The following NIPAL3 variants were observed in gnomAD, a reference collection of about 807,000 sequenced individuals.
The protein encoded by NIPAL3 is NIPA-like protein 3.
A neutral mutation model predicts 47.2 loss-of-function variants in NIPAL3; 41 were observed. The ratio of observed to expected loss-of-function variants is 0.87; its 90% CI spans 0.68 to 1.13. NIPAL3 has a LOEUF of 1.13. Ranked by LOEUF, NIPAL3 falls within the 50% of genes most tolerant of loss-of-function variation. The pLI, the probability that NIPAL3 is intolerant of heterozygous loss-of-function variation, is 0.00. For missense variants in NIPAL3, 449 were observed against 530.1 expected (o/e 0.85, Z 1.50); for synonymous variants, 194 against 209.6 (o/e 0.93, Z 0.64).
At chr1:24,453,338 C>T (rs1299166785) in intron 6 of NIPAL3, 70 bp from the exon 7 acceptor site, 3 of 1,066,492 alleles carry the variant, frequency 2.8e-6, no homozygotes, top group Non-Finnish European at 4.3e-6. Flanking sequence ...ATGGCCCAGC[C>T]CACCAGGGTC....
Position 24,445,218 on chromosome 1 carries a change from A to C in NIPAL3, c.368A>C (p.Glu123Ala), listed in dbSNP as rs781282034. The C allele has an allele frequency of 9.9e-6, 16 of 1,612,066 alleles. No individual in the cohort carries two copies. The highest frequency in any genetic ancestry group is 1.4e-5 in the Non-Finnish European group (16 of 1,178,174). ...SAIIGIIFIK[E>A]KWKPKDFLRR... The stretch of plus-strand genomic sequence containing the variant: ...ATCATAGGAATCATATTCATCAAGG[A>C]AAAGTGGAAACCGAAAGACTTTCTG... Residue 123 changes from glutamate (E) to alanine (A), a missense_variant, in exon 5 of 12, where the codon GAA becomes GCA. Coordinates refer to ENST00000374399, the MANE Select transcript of NIPAL3 (RefSeq NM_020448.5).
rs1645549281 is a variant in NIPAL3, at chr1:24,444,380, A to G, written c.335-805A>G. ...TGGAGAAAGGGGATGGAAAAGTGGA[A>G]AGGAGAAAAGGAAGACCTGATTTGT... On this transcript the variant is annotated intron_variant, in intron 4 of 11. Coordinates refer to ENST00000374399, the MANE Select transcript of NIPAL3 (RefSeq NM_020448.5). 2.6e-5 allele frequency among the ~76,000 whole-genome samples: 4 copies of G among 152,184 alleles called. No individual in the cohort carries two copies. The South Asian group carries it at 8.3e-4, about 31-fold the overall frequency.
Position 24,454,426 on chromosome 1 carries a change from A to G in NIPAL3, c.637+922A>G. The G allele has an allele frequency of 9.8e-7, 1 of 1,024,860 alleles. No homozygotes were observed. The highest frequency in any genetic ancestry group is 1.2e-6 in the Non-Finnish European group (1 of 853,662). The allele number at this position is 1,024,860 out of a possible 1,614,324, so 63.5% of individuals were successfully genotyped here. Reference sequence around the variant, plus strand: ...CACGGAAGGGAGTGGGGGTTAAATGAGATGTGCACAGGTGGCTAATATGTG... The same window carrying G: ...CACGGAAGGGAGTGGGGGTTAAATGGGATGTGCACAGGTGGCTAATATGTG... On this transcript the variant is annotated intron_variant, in intron 7 of 11. Coordinates refer to ENST00000374399, the MANE Select transcript of NIPAL3 (RefSeq NM_020448.5). The surrounding 1 kb of genome is among the most constrained non-coding windows in gnomAD (Gnocchi z 4.1).
Position 24,463,299 on chromosome 1 carries a change from G to T in NIPAL3, c.927-727G>T, listed in dbSNP as rs529324405. Among the ~76,000 whole-genome samples the T allele has an allele frequency of 9.0e-4, 137 of 152,330 alleles. 4 individuals are homozygous for T. In the South Asian group the frequency reaches 0.027, roughly 30 times the overall value. On this transcript the variant is annotated intron_variant, in intron 10 of 11. Coordinates refer to ENST00000374399, the MANE Select transcript of NIPAL3 (RefSeq NM_020448.5). ...TATGATTTAACTTACATGAATTAAA[G>T]AACAGACTAATTTCATCCATGGTGA...
rs1557480433 is a variant in NIPAL3, at chr1:24,419,654, T to TG, written c.93+18dup. 1.2e-6 allele frequency: 2 copies of TG among 1,610,994 alleles called. No homozygotes were observed. The highest frequency in any genetic ancestry group is 2.2e-5 in the South Asian group (2 of 90,648). On this transcript the variant is annotated intron_variant, in intron 2 of 11. Coordinates refer to ENST00000374399, the MANE Select transcript of NIPAL3 (RefSeq NM_020448.5). ...TTCTCCTACAAGGCAAGGGCTTTTT[T>TG]GGGGTTTGGGAATTTGTATTTTCCT...
chr1:24,444,350 AG>A lies in NIPAL3; in HGVS notation c.335-832del, dbSNP rs545974727. Among the ~76,000 whole-genome samples, 511 of 152,204 alleles carry A rather than the reference AG, an allele frequency of 3.4e-3. 2 individuals are homozygous for A. Among genetic ancestry groups the A allele is most frequent in the Non-Finnish European group, 5.6e-3 (381 of 68,018 alleles). On this transcript the variant is annotated intron_variant, in intron 4 of 11. Transcript: ENST00000374399. ...GGAGAAGAAAAAGAAGAGGAGATGG[AG>A]GGATGGAGAAAGGGGATGGAAAAGT... is the stretch of plus-strand genomic sequence containing the variant.
At chr1:24,456,021 G>C (rs1025815160) in intron 7 of NIPAL3, 117 bp from the exon 8 acceptor site, 7 of 1,265,582 alleles carry the variant, frequency 5.5e-6, no homozygotes, top group Non-Finnish European at 7.9e-6. Context: ...GCTTGACTCT[G>C]TTCCTGTTCC....
intron 1 of NIPAL3, among the ~76,000 whole-genome samples, chr1:24,417,935 T>A (rs1644135198): frequency 6.6e-6 from 1 of 152,214 alleles, no homozygotes; most frequent in Non-Finnish European, 1.5e-5. Context: ...GTTGGATGAA[T>A]GCATGAGAGA....
chr1:24,453,359 G>A lies in NIPAL3; in HGVS notation c.541-49G>A, dbSNP rs552364152. ...CAGCCCACCAGGGTCTCCCGGTCTC[G>A]CCTACTTCTGTGGTCCCCACTGACC... is the stretch of plus-strand genomic sequence containing the variant. On this transcript the variant is annotated intron_variant, in intron 6 of 11. Transcript: ENST00000374399. 120 of 1,395,466 alleles carry A rather than the reference G, an allele frequency of 8.6e-5. No individual in the cohort carries two copies. The South Asian group carries it at 9.2e-4, about 11-fold the overall frequency. The allele number at this position is 1,395,466 out of a possible 1,614,324, so 86.4% of individuals were successfully genotyped here. A position where few individuals can be genotyped will look rare whatever the true frequency, so the allele number is the denominator to read the frequency against.
Position 24,416,166 on chromosome 1 carries a change from C to A in NIPAL3, c.-258+262C>A. On this transcript the variant is annotated intron_variant, in intron 1 of 11. Coordinates refer to ENST00000374399, the MANE Select transcript of NIPAL3 (RefSeq NM_020448.5). The surrounding 1 kb of genome is among the most constrained non-coding windows in gnomAD (Gnocchi z 4.8). ...GGAAGTGACATGGAGTTAACTTTGC[C>A]AGAATTTCTCCTCTTCGTGCCGAGC... 1.0e-6 allele frequency: 1 copy of A among 985,582 alleles called. No homozygotes were observed. 61.1% of individuals were successfully genotyped at this position (985,582 alleles called of 1,614,324 possible).
rs1057473784 is a variant in NIPAL3, at chr1:24,448,162, G to T, written c.395-1319G>T. On this transcript the variant is annotated intron_variant, in intron 5 of 11. Coordinates refer to ENST00000374399, the MANE Select transcript of NIPAL3 (RefSeq NM_020448.5). ...ATAAAGATAAAAGACATTTAACATGGTATCACATTTTCTCTAGACAGTGGG... is the reference window on the plus strand; with the variant it reads ...ATAAAGATAAAAGACATTTAACATGTTATCACATTTTCTCTAGACAGTGGG... Among the ~76,000 whole-genome samples the T allele has an allele frequency of 5.9e-5, 9 of 152,332 alleles. No homozygotes were observed. In the South Asian group the frequency reaches 6.2e-4, roughly 11 times the overall value.
intron 5 of NIPAL3, among the ~76,000 whole-genome samples, chr1:24,446,089 T>C (rs1046907811): frequency 3.9e-5 from 5 of 128,354 alleles, no homozygotes; most frequent in African/African-American, 9.9e-5. Flanking sequence ...TGTGTGTGTG[T>C]GTGTGTGTGT....
intron 10 of NIPAL3, among the ~76,000 whole-genome samples, chr1:24,462,265 T>C (rs1427873367): frequency 1.3e-5 from 2 of 152,120 alleles, no homozygotes; most frequent in African/African-American, 4.8e-5. Context: ...CACATGGGGA[T>C]TGTGGGAACT....
At chr1:24,424,762 C>A (rs990751316) in intron 2 of NIPAL3, among the ~76,000 whole-genome samples, 36 of 152,260 alleles carry the variant, frequency 2.4e-4, no homozygotes, top group South Asian at 8.3e-4. Context: ...CTGGTCCAGT[C>A]GGTGATGGCC....
At chr1:24,467,997 G>A (rs568494946) in intron 11 of NIPAL3, among the ~76,000 whole-genome samples, 120 of 152,138 alleles carry the variant, frequency 7.9e-4, no homozygotes, top group African/African-American at 2.7e-3. Context: ...TAATTCCCTG[G>A]CAGGAAAAGT....
intron 4 of NIPAL3, among the ~76,000 whole-genome samples, chr1:24,442,631 C>T (rs2148811186): frequency 1.3e-5 from 2 of 152,224 alleles, no homozygotes; most frequent in East Asian, 3.9e-4. Flanking sequence ...AAACCTTAAC[C>T]CATGCATCTT....
At chr1:24,415,087 G>A (rs183041632), upstream of NIPAL3, 23 of 152,300 alleles carry the variant, frequency 1.5e-4, no homozygotes, top group African/African-American at 5.3e-4. Context: ...TCTCACTCAT[G>A]GCTGTGACGA....
chr1:24,459,261 T>G (rs1646361615), intron 9 of NIPAL3, among the ~76,000 whole-genome samples: 2 of 152,202 alleles, frequency 1.3e-5, no homozygotes, highest in African/African-American at 4.8e-5. Context: ...ATGATCCAAA[T>G]GTGCCCTATG....
At chr1:24,413,904 T>C (rs1643889978), upstream of NIPAL3, 2 of 152,228 alleles carry the variant, frequency 1.3e-5, no homozygotes, top group Admixed American at 6.5e-5. Flanking sequence ...TCAGGGCCTG[T>C]AGCGGGGTGG....
Sources: gnomAD v4.1 joint callset for allele counts (sites outside exome capture counted in the v4.1 genomes callset) on GRCh38, gnomAD v4.1.1 for gene constraint, Gnocchi (gnomAD v3.1) non-coding constraint, MANE v1.5 for transcripts, NCBI Gene and HGNC (gene_info 2026-07-23, HGNC 2026-07-21) for gene names.